Variants in OPCML observed in about 807,000 individuals in gnomAD.
OPCML encodes the protein opioid-binding protein/cell adhesion molecule.
A neutral mutation model predicts 37.8 loss-of-function variants in OPCML; 13 were observed. The observed-to-expected ratio is 0.34, with a 90% CI of 0.22 to 0.55. OPCML has a LOEUF of 0.55. OPCML is among the 20% of genes least tolerant of loss of function. The probability of loss-of-function intolerance (pLI) is 0.91; values close to 1 mark genes in which losing one functional copy is unlikely to be tolerated. For missense variants in OPCML, 341 were observed against 435.6 expected, an observed-to-expected ratio of 0.78 and a Z score of 1.93; for synonymous variants, 176 against 168.8, an observed-to-expected ratio of 1.04 and a Z score of -0.33.
chr11:132,662,454 T>C (rs1942022402), intron 2 of OPCML, among the ~76,000 whole-genome samples: 1 of 147,544 alleles, frequency 6.8e-6, no homozygotes. Context: ...TCAACAGATA[T>C]GGAGTGAGTG....
chr11:133,175,050 G>A (rs1950347201), intron 1 of OPCML, among the ~76,000 whole-genome samples: 3 of 152,208 alleles, frequency 2.0e-5, no homozygotes, highest in South Asian at 4.1e-4. Context: ...GCTACAGTAA[G>A]CTACGATTAT....
chr11:132,892,621 G>T (rs1943694705), intron 2 of OPCML, among the ~76,000 whole-genome samples: 1 of 152,126 alleles, frequency 6.6e-6, no homozygotes, highest in African/African-American at 2.4e-5. Context: ...ACAAAAATTA[G>T]CTGGGCCTGG....
intron 1 of OPCML, among the ~76,000 whole-genome samples, chr11:133,061,914 C>T (rs2136990413): frequency 6.6e-6 from 1 of 152,018 alleles, no homozygotes; most frequent in African/African-American, 2.4e-5. Flanking sequence ...GGGGTGGGGG[C>T]TGAAAAGTTT....
chr11:132,529,335 T>C (rs1466532624), intron 3 of OPCML, 149 bp from the exon 4 acceptor site: 1 of 909,236 alleles, frequency 1.1e-6, no homozygotes, highest in Non-Finnish European at 1.6e-6. Context: ...GCCAAGGATA[T>C]GGCCATATAC....
intron 3 of OPCML, 87 bp from the exon 4 acceptor site, chr11:132,529,273 T>C (rs563671553): frequency 8.9e-6 from 13 of 1,463,998 alleles, no homozygotes; most frequent in Middle Eastern, 2.2e-4. Flanking sequence ...TTGTATAGCA[T>C]GTTTTTATAA....
intron 7 of OPCML, among the ~76,000 whole-genome samples, chr11:132,421,066 C>T (rs1184243241): frequency 6.6e-6 from 1 of 152,042 alleles, no homozygotes; most frequent in African/African-American, 2.4e-5. Context: ...TCCACAGTAT[C>T]ATGAGTGCTG....
At chr11:132,550,693 A>C (rs764623471) in intron 3 of OPCML, among the ~76,000 whole-genome samples, 1 of 152,212 alleles carries the variant, frequency 6.6e-6, no homozygotes, top group Non-Finnish European at 1.5e-5. Context: ...ATCTGGAAGC[A>C]CAGAGCATGT....
At chr11:133,006,272 G>A in intron 1 of OPCML, 1 of 504,336 alleles carries the variant, frequency 2.0e-6, no homozygotes, top group Non-Finnish European at 2.6e-6. Context: ...TTCTAGCAGG[G>A]ACTCTGGCCT....
At chr11:133,084,147 T>C (rs1948784147) in intron 1 of OPCML, among the ~76,000 whole-genome samples, 1 of 152,118 alleles carries the variant, frequency 6.6e-6, no homozygotes, top group African/African-American at 2.4e-5. Context: ...GCAGGCCTTA[T>C]TGGTTTCATT....
chr11:132,565,926 G>A (rs768417303), intron 3 of OPCML, among the ~76,000 whole-genome samples: 8 of 152,168 alleles, frequency 5.3e-5, no homozygotes, highest in Non-Finnish European at 8.8e-5. Context: ...CCAGCTACTC[G>A]AGAGACTGTG....
chr11:132,574,504 A>C (rs1007873377), intron 3 of OPCML, among the ~76,000 whole-genome samples: 9 of 151,838 alleles, frequency 5.9e-5, no homozygotes, highest in African/African-American at 1.2e-4. Context: ...TTTTTAAAAA[A>C]TTCTTCTTTT....
chr11:133,422,182 C>A, intron 1 of OPCML: 1 of 984,446 alleles, frequency 1.0e-6, no homozygotes, highest in Non-Finnish European at 1.2e-6. Context: ...TTGTTCACTC[C>A]CTGCAAACAA....
intron 7 of OPCML, among the ~76,000 whole-genome samples, chr11:132,425,564 G>C (rs753744323): frequency 2.0e-5 from 3 of 152,222 alleles, no homozygotes; most frequent in Non-Finnish European, 4.4e-5. Flanking sequence ...CAATCATCAA[G>C]TACAGAGTAA....
chr11:132,946,154 G>A (rs562277020), intron 1 of OPCML, among the ~76,000 whole-genome samples: 2 of 152,314 alleles, frequency 1.3e-5, no homozygotes, highest in South Asian at 2.1e-4. Context: ...ATGGAGTCAG[G>A]ATGATCAGTA....
intron 1 of OPCML, among the ~76,000 whole-genome samples, chr11:133,261,256 A>G (rs978582596): frequency 6.6e-6 from 1 of 152,178 alleles, no homozygotes; most frequent in African/African-American, 2.4e-5. Context: ...CGAATAAGGA[A>G]ACTTCCTCTT....
At chr11:133,471,139 A>T (rs191036774) in intron 1 of OPCML, among the ~76,000 whole-genome samples, 12 of 152,360 alleles carry the variant, frequency 7.9e-5, no homozygotes, top group African/African-American at 2.9e-4. Context: ...GGAAATGAGT[A>T]GTTCAGAAAA....
intron 3 of OPCML, among the ~76,000 whole-genome samples, chr11:132,550,752 C>T (rs73035382): frequency 0.019 from 2,894 of 152,268 alleles, 98 homozygotes; most frequent in East Asian, 0.041. Flanking sequence ...CCAGAGGAAC[C>T]TGAGTCCCCA....
intron 1 of OPCML, among the ~76,000 whole-genome samples, chr11:133,146,691 C>A (rs775919040): frequency 1.3e-5 from 2 of 151,840 alleles, no homozygotes; most frequent in Non-Finnish European, 2.9e-5. Context: ...GAACTCCTGA[C>A]CTCAGGTGAT....
At chr11:132,589,595 C>T (rs2096480907) in intron 3 of OPCML, among the ~76,000 whole-genome samples, 1 of 152,156 alleles carries the variant, frequency 6.6e-6, no homozygotes, top group Admixed American at 6.5e-5. Flanking sequence ...AGAAGGCTCT[C>T]TGAGGAGGTA....
Sources: gnomAD v4.1 joint callset for allele counts (sites outside exome capture counted in the v4.1 genomes callset) on GRCh38, gnomAD v4.1.1 for gene constraint, MANE v1.5 for transcripts, NCBI Gene and HGNC (gene_info 2026-07-23, HGNC 2026-07-21) for gene names.